DOCK2: variants seen among roughly 807,000 people sequenced by gnomAD.
DOCK2 encodes dedicator of cytokinesis 2.
In DOCK2, 87 loss-of-function variants were observed where a neutral mutation model predicts 248.9. That is an observed-to-expected ratio of 0.35 (90% CI 0.29 to 0.42). The LOEUF (loss-of-function observed/expected upper bound fraction) is 0.42, where lower values mean the gene tolerates loss of function less well. Among genes scored for constraint, DOCK2 ranks in the 10% least tolerant of loss-of-function variants. DOCK2 has a pLI of 1.00. For missense variants in DOCK2, 1,747 were observed against 2,300.2 expected, an observed-to-expected ratio of 0.76 and a Z score of 4.92; for synonymous variants, 805 against 821.6, an observed-to-expected ratio of 0.98 and a Z score of 0.35.
chr5:169,983,280 C>A (rs1377102108), intron 28 of DOCK2, 114 bp downstream of exon 28: 2 of 1,111,454 alleles, frequency 1.8e-6, no homozygotes, highest in Non-Finnish European at 2.7e-6. Flanking sequence ...ATGACTTAAC[C>A]AATATTTGTT....
intron 25 of DOCK2, among the ~76,000 whole-genome samples, chr5:169,784,107 T>C (rs895233308): frequency 2.2e-5 from 3 of 137,658 alleles, no homozygotes; most frequent in South Asian, 5.1e-4. Context: ...TGTGCGTGGA[T>C]TGTGGTCAAT....
chr5:169,957,709 C>T (rs1353518024), intron 27 of DOCK2, among the ~76,000 whole-genome samples: 1 of 152,152 alleles, frequency 6.6e-6, no homozygotes, highest in Non-Finnish European at 1.5e-5. Context: ...CCCCAGAGTA[C>T]CCTGGCTTTG....
chr5:170,056,403 C>T (rs905278911), intron 42 of DOCK2: 48 of 302,430 alleles, frequency 1.6e-4, no homozygotes, highest in Non-Finnish European at 2.7e-4. Flanking sequence ...ATGACCTAGG[C>T]CATCAATGTT....
intron 42 of DOCK2, 129 bp downstream of exon 42, chr5:170,055,515 C>A: frequency 3.7e-6 from 3 of 812,634 alleles, no homozygotes; most frequent in Non-Finnish European, 3.9e-6. Context: ...GTTTTTCCCC[C>A]CTTTTCCTCT....
chr5:169,810,612 AG>A (rs140141841), intron 26 of DOCK2, among the ~76,000 whole-genome samples: 3,222 of 152,288 alleles, frequency 0.021, 107 homozygotes, highest in African/African-American at 0.072. Context: ...GAGTTAAAGC[AG>A]GGGGACTTCC....
At chr5:169,981,195 A>G (rs1361309611) in intron 27 of DOCK2, among the ~76,000 whole-genome samples, 1 of 152,244 alleles carries the variant, frequency 6.6e-6, no homozygotes, top group Non-Finnish European at 1.5e-5. Flanking sequence ...AATTGAAAAG[A>G]ACCTAGAAAC....
chr5:169,746,592 G>A (rs540594478), intron 22 of DOCK2, among the ~76,000 whole-genome samples: 2 of 152,298 alleles, frequency 1.3e-5, no homozygotes, highest in African/African-American at 4.8e-5. Context: ...TTTCACGGTT[G>A]GTGATAAACA....
chr5:169,745,993 T>C (rs1319167824), intron 22 of DOCK2, among the ~76,000 whole-genome samples: 1 of 152,164 alleles, frequency 6.6e-6, no homozygotes, highest in Non-Finnish European at 1.5e-5. Flanking sequence ...TCCTTGTCTC[T>C]GTGACCTTGA....
At chr5:169,666,845 C>T (rs1194269277) in intron 2 of DOCK2, among the ~76,000 whole-genome samples, 1 of 152,202 alleles carries the variant, frequency 6.6e-6, no homozygotes, top group East Asian at 1.9e-4. Flanking sequence ...CAATGAATCC[C>T]TGGGGATTTA....
chr5:169,843,612 G>A (rs541256933), intron 27 of DOCK2, among the ~76,000 whole-genome samples: 88 of 152,312 alleles, frequency 5.8e-4, no homozygotes, highest in Non-Finnish European at 1.1e-3. Context: ...TGTTCAGTTT[G>A]ACGAGTTTTA....
chr5:170,013,077 T>C (rs1755366525), intron 32 of DOCK2, among the ~76,000 whole-genome samples: 1 of 151,934 alleles, frequency 6.6e-6, no homozygotes, highest in African/African-American at 2.4e-5. Context: ...GTGAGGACTA[T>C]AAGGATGATT....
chr5:169,766,768 A>G (rs1380321824), intron 25 of DOCK2, among the ~76,000 whole-genome samples: 1 of 151,920 alleles, frequency 6.6e-6, no homozygotes, highest in East Asian at 1.9e-4. Flanking sequence ...TTGACTTTTT[A>G]TTTATTTATT....
At chr5:169,945,224 A>G (rs1475615857) in intron 27 of DOCK2, among the ~76,000 whole-genome samples, 2 of 152,194 alleles carry the variant, frequency 1.3e-5, no homozygotes, top group Admixed American at 1.3e-4. Flanking sequence ...AAGTCATGCA[A>G]CCTCTCCAGG....
At chr5:169,854,645 G>C (rs1453608766) in intron 27 of DOCK2, among the ~76,000 whole-genome samples, 1 of 152,240 alleles carries the variant, frequency 6.6e-6, no homozygotes, top group Non-Finnish European at 1.5e-5. Flanking sequence ...CCCCCAGCCT[G>C]TCCTGGTCTG....
At chr5:169,664,794 T>G (rs1758630866) in intron 2 of DOCK2, among the ~76,000 whole-genome samples, 1 of 152,146 alleles carries the variant, frequency 6.6e-6, no homozygotes, top group Admixed American at 6.5e-5. Context: ...GGATTAAAAT[T>G]TGGTATGAGA....
intron 7 of DOCK2, among the ~76,000 whole-genome samples, chr5:169,683,135 G>C (rs748239778): frequency 6.6e-6 from 1 of 152,060 alleles, no homozygotes; most frequent in Non-Finnish European, 1.5e-5. Context: ...ATTCCTTTTG[G>C]GCAATACTTA....
chr5:169,939,199 C>A (rs995557768), intron 27 of DOCK2, among the ~76,000 whole-genome samples: 3 of 144,134 alleles, frequency 2.1e-5, no homozygotes, highest in African/African-American at 7.8e-5. Context: ...CCACTGTGCC[C>A]GGCCTTTTTT....
intron 27 of DOCK2, among the ~76,000 whole-genome samples, chr5:169,867,535 A>G (rs938377172): frequency 2.6e-5 from 4 of 151,588 alleles, no homozygotes; most frequent in African/African-American, 4.9e-5. Flanking sequence ...TCTATCATCT[A>G]TCATGTATCT....
At chr5:169,909,963 T>A (rs1285497835) in intron 27 of DOCK2, among the ~76,000 whole-genome samples, 1 of 152,210 alleles carries the variant, frequency 6.6e-6, no homozygotes, top group Non-Finnish European at 1.5e-5. Flanking sequence ...AAAATGCCAC[T>A]CAAATTCTGC....
Sources: gnomAD v4.1 joint callset for allele counts (sites outside exome capture counted in the v4.1 genomes callset) on GRCh38, gnomAD v4.1.1 for gene constraint, MANE v1.5 for transcripts, NCBI Gene and HGNC (gene_info 2026-07-23, HGNC 2026-07-21) for gene names.